Variants in ZNF793 observed in about 807,000 individuals in gnomAD.
ZNF793 encodes zinc finger protein 793.
A neutral mutation model predicts 12.4 loss-of-function variants in ZNF793; 5 were observed. The observed-to-expected ratio is 0.40, with a 90% CI of 0.21 to 0.84. The LOEUF (loss-of-function observed/expected upper bound fraction) is 0.84. Ranked by LOEUF, ZNF793 falls within the 40% of genes least tolerant of loss-of-function variation. The pLI is 0.35. For missense variants in ZNF793, 456 were observed against 495.0 expected (o/e 0.92, Z 0.75); for synonymous variants, 162 against 172.4 (o/e 0.94, Z 0.47).
chr19:37,512,716 TTAAC>T (rs905513594), intron 2 of ZNF793, among the ~76,000 whole-genome samples: 7 of 152,280 alleles, frequency 4.6e-5, no homozygotes, highest in Admixed American at 2.6e-4. Context: ...ATCACAATAA[TTAAC>T]TAACCACAAT....
chr19:37,519,068 C>T (rs1448800714), intron 2 of ZNF793, among the ~76,000 whole-genome samples: 1 of 152,082 alleles, frequency 6.6e-6, no homozygotes, highest in Admixed American at 6.6e-5. Context: ...AGATTGAGAC[C>T]ATCCTGGCTA....
intron 7 of ZNF793, 123 bp downstream of exon 7, chr19:37,533,526 CT>C (rs1458615396): frequency 1.3e-6 from 1 of 756,144 alleles, no homozygotes; most frequent in South Asian, 1.7e-5. Context: ...GTTAATGACT[CT>C]TCAACCTCCA....
At chr19:37,535,947 T>A (rs2042501215) in intron 7 of ZNF793, 1 of 152,482 alleles carries the variant, frequency 6.6e-6, no homozygotes, top group African/African-American at 2.4e-5. Context: ...ATAAACATAA[T>A]AATGTGACAT....
chr19:37,539,010 T>C lies in ZNF793; in HGVS notation c.*1131T>C, dbSNP rs1252962866. ...AAAGAACTTTATTATACCAGCTACATTTTTCCACCTTTTTGTAATACATGT... is the reference window on the plus strand; with the variant it reads ...AAAGAACTTTATTATACCAGCTACACTTTTCCACCTTTTTGTAATACATGT... On this transcript the variant is annotated 3_prime_UTR_variant, in exon 8 of 8. Transcript: ENST00000627814. 6.6e-6 allele frequency: 1 copy of C among 152,216 alleles called. No homozygotes were observed. Among genetic ancestry groups the C allele is most frequent in the African/African-American group, 2.4e-5 (1 of 41,456 alleles). The allele number at this position is 152,216 out of a possible 1,614,324, so 9.4% of individuals were successfully genotyped here.
chr19:37,527,773 C>T (rs2042427601), intron 5 of ZNF793, among the ~76,000 whole-genome samples: 1 of 152,178 alleles, frequency 6.6e-6, no homozygotes, highest in Non-Finnish European at 1.5e-5. Context: ...TCATAGAACT[C>T]ACTGAAAGCT....
At chr19:37,521,022 C>T (rs1374479419) in intron 3 of ZNF793, among the ~76,000 whole-genome samples, 1 of 149,948 alleles carries the variant, frequency 6.7e-6, no homozygotes, top group Non-Finnish European at 1.5e-5. Context: ...AAGTCTCACT[C>T]TGTCGCCCAG....
chr19:37,524,340 C>T (rs2042397693), intron 5 of ZNF793, among the ~76,000 whole-genome samples: 2 of 151,782 alleles, frequency 1.3e-5, no homozygotes, highest in Admixed American at 1.3e-4. Flanking sequence ...TTTTTTTAAA[C>T]CAGATATGTA....
chr19:37,513,775 A>G (rs778815451), intron 2 of ZNF793, among the ~76,000 whole-genome samples: 1 of 152,208 alleles, frequency 6.6e-6, no homozygotes, highest in Non-Finnish European at 1.5e-5. Context: ...ACAGTGAATC[A>G]TATTATGTAT....
Position 37,514,280 on chromosome 19 carries a change from G to T in ZNF793, c.-276+5877G>T, listed in dbSNP as rs544152383. Reference sequence around the variant, plus strand: ...TTCCTGTCCACCATCTCAACTATCAGGTTAGATAGGTCAATTGGTGATTTC... The same window carrying T: ...TTCCTGTCCACCATCTCAACTATCATGTTAGATAGGTCAATTGGTGATTTC... On this transcript the variant is annotated intron_variant, in intron 2 of 7. Transcript: ENST00000627814. Among the ~76,000 whole-genome samples the T allele has an allele frequency of 2.6e-5, 4 of 152,256 alleles. No homozygotes were observed. In the South Asian group the frequency reaches 8.3e-4, roughly 32 times the overall value.
In ZNF793 at chr19:37,537,428, G is replaced by C; in HGVS notation, c.770G>C (p.Cys257Ser). The change falls in exon 8 of 8, where the codon TGC becomes TCC. Residue 257 changes from cysteine (C) to serine (S), a missense_variant. Physicochemically the swap from Cys to Ser is moderately radical, Grantham distance 112. Transcript: ENST00000627814. ...CACACTGGGGAGAAGCCTTATGGCT[G>C]CACTGACTGTGGGAAAGCCTTTTCA... ...RSHTGEKPYGCTDCGKAFSHK... is the reference protein window; with the variant it reads ...RSHTGEKPYGSTDCGKAFSHK... The C allele has an allele frequency of 6.2e-7, 1 of 1,613,220 alleles. No homozygotes were observed. Among genetic ancestry groups the C allele is most frequent in the Middle Eastern group, 1.7e-4 (1 of 6,056 alleles).
rs374520272 is a variant in ZNF793 at position 37,540,364 on chromosome 19, A to G, written c.*2485A>G. On this transcript the variant is annotated 3_prime_UTR_variant, in exon 8 of 8. Coordinates refer to ENST00000627814, the MANE Select transcript of ZNF793 (RefSeq NM_001013659.3). Reference sequence around the variant, plus strand: ...ATACTAGCAAATAGAATTCAGCCATATACCCAAAGAGTGACATAGTAAGAG... The same window carrying G: ...ATACTAGCAAATAGAATTCAGCCATGTACCCAAAGAGTGACATAGTAAGAG... The G allele has an allele frequency of 6.6e-5, 10 of 151,732 alleles. No individual in the cohort carries two copies. The highest frequency in any genetic ancestry group is 3.9e-4 in the Admixed American group (6 of 15,206). The allele number at this position is 151,732 out of a possible 1,614,324, so 9.4% of individuals were successfully genotyped here. A position where few individuals can be genotyped will look rare whatever the true frequency, so the allele number is the denominator to read the frequency against.
chr19:37,522,898 C>T (rs990474276), intron 4 of ZNF793, among the ~76,000 whole-genome samples: 4 of 152,090 alleles, frequency 2.6e-5, no homozygotes, highest in Non-Finnish European at 5.9e-5. Context: ...CATTAAATGT[C>T]TTGGGGTGTG....
In ZNF793 at chr19:37,537,743, C is replaced by T. The variant is rs750725429; in HGVS notation, c.1085C>T (p.Thr362Ile). ...SCLNKHWRTH[T>I]GEKPYGCNEC... ...CTCAATAAACATTGGAGAACTCACA[C>T]AGGAGAGAAGCCCTATGGGTGCAAT... The change falls in exon 8 of 8, where the codon ACA becomes ATA. Residue 362 changes from threonine to isoleucine, a missense_variant. Physicochemically the swap from Thr to Ile is moderately conservative, Grantham distance 89. Coordinates refer to ENST00000627814, the MANE Select transcript of ZNF793 (RefSeq NM_001013659.3). 25 of 1,613,974 alleles carry T rather than the reference C, an allele frequency of 1.5e-5. No individual in the cohort carries two copies. Among genetic ancestry groups the T allele is most frequent in the Non-Finnish European group, 2.1e-5 (25 of 1,179,992 alleles).
chr19:37,542,714 T>A lies in ZNF793; in HGVS notation c.*4835T>A, dbSNP rs1486256092. On this transcript the variant is annotated 3_prime_UTR_variant, in exon 8 of 8. Coordinates refer to ENST00000627814, the MANE Select transcript of ZNF793 (RefSeq NM_001013659.3). ...GGACTTGAGTGGAATTCCACAATGT[T>A]CTCTTGAGTGAAAAATGCAAGGTAG... 5.9e-6 allele frequency: 1 copy of A among 169,878 alleles called. No individual in the cohort carries two copies. Among genetic ancestry groups the A allele is most frequent in the Non-Finnish European group, 1.3e-5 (1 of 77,720 alleles). 10.5% of individuals were successfully genotyped at this position (169,878 alleles called of 1,614,324 possible).
rs2042562185 is a variant in ZNF793, at chr19:37,543,119, AAAAG to A, written c.*5241_*5244del. The A allele has an allele frequency of 6.6e-6, 1 of 152,224 alleles. No individual in the cohort carries two copies. Among genetic ancestry groups the A allele is most frequent in the African/African-American group, 2.4e-5 (1 of 41,454 alleles). 9.4% of individuals were successfully genotyped at this position (152,224 alleles called of 1,614,324 possible). A position where few individuals can be genotyped will look rare whatever the true frequency, so the allele number is the denominator to read the frequency against. On this transcript the variant is annotated 3_prime_UTR_variant, in exon 8 of 8. Coordinates refer to ENST00000627814, the MANE Select transcript of ZNF793 (RefSeq NM_001013659.3). ...TAATGTATACGATTCTATTTTTAAAAAAAGTAAAAACTCCTGTGTGTGTATATAT... is the reference window on the plus strand; with the variant it reads ...TAATGTATACGATTCTATTTTTAAAATAAAAACTCCTGTGTGTGTATATAT...
intron 7 of ZNF793, chr19:37,536,148 A>G: frequency 3.6e-6 from 1 of 274,948 alleles, no homozygotes; most frequent in Non-Finnish European, 6.7e-6. Flanking sequence ...ACTCTTGCTT[A>G]AGTCCTAGTT....
At chr19:37,536,169 A>G (rs968537105) in intron 7 of ZNF793, 3 of 318,142 alleles carry the variant, frequency 9.4e-6, no homozygotes, top group African/African-American at 6.4e-5. Context: ...AGCTTTGTTG[A>G]TTTTATTTTT....
intron 2 of ZNF793, among the ~76,000 whole-genome samples, chr19:37,515,771 G>C (rs986657653): frequency 6.6e-6 from 1 of 152,172 alleles, no homozygotes; most frequent in Non-Finnish European, 1.5e-5. Context: ...AGAAAGTCTT[G>C]AATAAATATT....
In ZNF793 at chr19:37,532,404, T is replaced by G; in HGVS notation, c.64T>G (p.Trp22Gly). 1 of 1,613,988 alleles carries G rather than the reference T, an allele frequency of 6.2e-7. No individual in the cohort carries two copies. Among genetic ancestry groups the G allele is most frequent in the Non-Finnish European group, 8.5e-7 (1 of 1,179,978 alleles). The part of the protein sequence containing the change: ...DVVVGFTQEE[W>G]HRLSPAQRAL... Reference sequence around the variant, plus strand: ...GGTTGTGGGCTTCACCCAAGAGGAGTGGCACCGGCTGAGTCCTGCTCAGAG... The same window carrying G: ...GGTTGTGGGCTTCACCCAAGAGGAGGGGCACCGGCTGAGTCCTGCTCAGAG... The change falls in exon 6 of 8, where the codon TGG (tryptophan) becomes GGG (glycine). Residue 22 changes from tryptophan (W) to glycine (G), a missense_variant. Trp to Gly is a radical substitution (Grantham distance 184, BLOSUM62 -2). Transcript: ENST00000627814.
Sources: allele counts gnomAD v4.1 joint callset (sites outside exome capture counted in the v4.1 genomes callset), GRCh38; gene constraint gnomAD v4.1.1; transcripts MANE v1.5; gene names NCBI Gene and HGNC (gene_info 2026-07-23, HGNC 2026-07-21).